RAP1GAP2: variants seen among roughly 807,000 people sequenced by gnomAD.
RAP1GAP2 encodes the protein rap1 GTPase-activating protein 2.
In RAP1GAP2, 27 loss-of-function variants were observed where a neutral mutation model predicts 95.0. The ratio of observed to expected loss-of-function variants is 0.28; its 90% CI spans 0.21 to 0.39. The LOEUF is 0.39. RAP1GAP2 is among the 10% of genes least tolerant of loss of function. The pLI is 1.00. For missense variants in RAP1GAP2, 771 were observed against 970.0 expected, an observed-to-expected ratio of 0.79 and a Z score of 2.72; for synonymous variants, 373 against 380.9, an observed-to-expected ratio of 0.98 and a Z score of 0.24.
intron 2 of RAP1GAP2, among the ~76,000 whole-genome samples, chr17:2,840,053 A>G (rs2071304674): frequency 6.6e-6 from 1 of 151,276 alleles, no homozygotes; most frequent in South Asian, 2.1e-4. Flanking sequence ...CGGCAGAACC[A>G]TTTTCGTCAC....
chr17:2,955,021 C>A (rs1006648402), intron 3 of RAP1GAP2, among the ~76,000 whole-genome samples: 3 of 152,074 alleles, frequency 2.0e-5, no homozygotes, highest in African/African-American at 7.2e-5. Flanking sequence ...TTTGTTTATT[C>A]GTCAGTTGAT....
At chr17:2,974,494 C>T (rs2045020638) in intron 8 of RAP1GAP2, among the ~76,000 whole-genome samples, 1 of 152,006 alleles carries the variant, frequency 6.6e-6, no homozygotes, top group African/African-American at 2.4e-5. Context: ...GAAGGATACA[C>T]TTCAGTCAAA....
chr17:2,920,479 C>T (rs907557427), intron 3 of RAP1GAP2, among the ~76,000 whole-genome samples: 14 of 152,224 alleles, frequency 9.2e-5, no homozygotes, highest in African/African-American at 3.4e-4. Context: ...TTTTCAGGCC[C>T]TGCCTCCCCC....
intron 3 of RAP1GAP2, among the ~76,000 whole-genome samples, chr17:2,939,187 T>C (rs1289159591): frequency 1.3e-5 from 2 of 151,876 alleles, no homozygotes; most frequent in African/African-American, 4.8e-5. Context: ...GCCTCCCGGG[T>C]TCAAGTGATC....
intron 3 of RAP1GAP2, among the ~76,000 whole-genome samples, chr17:2,916,259 T>C (rs1464759779): frequency 6.6e-6 from 1 of 152,152 alleles, no homozygotes; most frequent in East Asian, 1.9e-4. Context: ...GGATGGAAAA[T>C]ACGTGCCATC....
chr17:2,814,848 G>A (rs1302403021), intron 2 of RAP1GAP2, among the ~76,000 whole-genome samples: 1 of 152,090 alleles, frequency 6.6e-6, no homozygotes, highest in Admixed American at 6.6e-5. Flanking sequence ...CTGGGGTGTT[G>A]GGGGGGAGGG....
chr17:2,837,998 C>T (rs1295010629), intron 2 of RAP1GAP2, among the ~76,000 whole-genome samples: 2 of 141,676 alleles, frequency 1.4e-5, no homozygotes, highest in East Asian at 4.2e-4. Context: ...GTATGATGTT[C>T]ATGTTCTTTC....
intron 2 of RAP1GAP2, among the ~76,000 whole-genome samples, chr17:2,824,740 CAAAAA>C (rs940171590): frequency 3.5e-5 from 2 of 56,652 alleles, no homozygotes; most frequent in Non-Finnish European, 7.7e-5. Flanking sequence ...AACTCTGTCT[CAAAAA>C]AAAAAAAAAA....
intron 2 of RAP1GAP2, among the ~76,000 whole-genome samples, chr17:2,834,600 C>G (rs2071049317): frequency 1.3e-5 from 2 of 152,118 alleles, no homozygotes. Flanking sequence ...AGTTTAAGAC[C>G]AGCTTGGGCA....
At chr17:2,785,899 CT>C (rs386385450) in intron 1 of RAP1GAP2, among the ~76,000 whole-genome samples, 26 of 119,926 alleles carry the variant, frequency 2.2e-4, no homozygotes, top group Non-Finnish European at 1.5e-4. Context: ...AAAAGTATGA[CT>C]TTTTTTTTTT....
intron 2 of RAP1GAP2, among the ~76,000 whole-genome samples, chr17:2,828,030 G>C (rs1394860139): frequency 2.0e-5 from 3 of 152,050 alleles, no homozygotes; most frequent in Non-Finnish European, 4.4e-5. Flanking sequence ...ACCAAAACTA[G>C]TTTGGGTCTT....
chr17:3,018,799 T>A (rs937480424), intron 18 of RAP1GAP2, among the ~76,000 whole-genome samples: 6 of 152,164 alleles, frequency 3.9e-5, no homozygotes, highest in African/African-American at 1.4e-4. Context: ...GCGTGGTGGC[T>A]CATGCCTGGA....
At chr17:2,957,860 A>G in intron 4 of RAP1GAP2, 66 bp downstream of exon 4, 1 of 1,452,794 alleles carries the variant, frequency 6.9e-7, no homozygotes, top group South Asian at 1.3e-5. Flanking sequence ...CATAGGGACC[A>G]GGCAGAACCC....
intron 1 of RAP1GAP2, among the ~76,000 whole-genome samples, chr17:2,768,860 G>A (rs1169230735): frequency 6.6e-6 from 1 of 151,878 alleles, no homozygotes; most frequent in Non-Finnish European, 1.5e-5. Flanking sequence ...GACCCTGGAG[G>A]TTCTAGAAGA....
chr17:2,767,335 C>T (rs1567633225), intron 1 of RAP1GAP2, among the ~76,000 whole-genome samples: 2 of 125,490 alleles, frequency 1.6e-5, no homozygotes, highest in Admixed American at 2.0e-4. Context: ...GCACTCCAGC[C>T]TGGGCAACAG....
chr17:2,954,352 C>T (rs944050453), intron 3 of RAP1GAP2, among the ~76,000 whole-genome samples: 12 of 152,040 alleles, frequency 7.9e-5, no homozygotes, highest in Non-Finnish European at 1.3e-4. Flanking sequence ...GATCCGCCCG[C>T]CTCGGCCTCC....
intron 3 of RAP1GAP2, among the ~76,000 whole-genome samples, chr17:2,939,735 C>T (rs561176495): frequency 2.0e-5 from 3 of 152,356 alleles, no homozygotes; most frequent in Non-Finnish European, 4.4e-5. Context: ...TCCTAGGCCC[C>T]AGTGGGCGTC....
intron 22 of RAP1GAP2, among the ~76,000 whole-genome samples, chr17:3,028,149 G>C (rs192722159): frequency 9.7e-4 from 147 of 152,204 alleles, no homozygotes; most frequent in Non-Finnish European, 1.8e-3. Flanking sequence ...GAAGGGAGGG[G>C]AAGAGTCGTG....
At chr17:2,952,620 A>G (rs1397241847) in intron 3 of RAP1GAP2, among the ~76,000 whole-genome samples, 1 of 152,118 alleles carries the variant, frequency 6.6e-6, no homozygotes, top group Non-Finnish European at 1.5e-5. Context: ...ACTGTTTCTC[A>G]TTCCTGCCAG....
Sources: allele counts gnomAD v4.1 joint callset (sites outside exome capture counted in the v4.1 genomes callset), GRCh38; gene constraint gnomAD v4.1.1; transcripts MANE v1.5; gene names NCBI Gene and HGNC (gene_info 2026-07-23, HGNC 2026-07-21).